KDR: variants seen among roughly 807,000 people sequenced by gnomAD.
KDR encodes the protein kinase insert domain receptor.
KDR carries 43 observed loss-of-function variants against 160.9 expected under a neutral mutation model. The observed-to-expected ratio is 0.27, with a 90% CI of 0.21 to 0.34. The LOEUF is 0.34. KDR is among the 10% of genes least tolerant of loss of function. The pLI is 1.00. For missense variants in KDR, 1,469 were observed against 1,666.4 expected (o/e 0.88, Z 2.06); for synonymous variants, 617 against 600.1 (o/e 1.03, Z -0.41).
chr4:55,082,040 T>C lies in KDR; in HGVS notation c.3764A>G (p.Asp1255Gly), dbSNP rs2110005321. The part of the protein sequence containing the change: ...EEPEVKVIPD[D>G]NQTDSGMVLA... ...AACCATACCACTGTCCGTCTGGTTG[T>C]CCTTTTTAAGAGACAATGAGATGGC... The change falls in exon 29 of 30, where the codon GAC becomes GGC. Residue 1255 changes from aspartate (D) to glycine (G), a missense_variant and splice_region_variant. Coordinates refer to ENST00000263923, the MANE Select transcript of KDR (RefSeq NM_002253.4). 6.2e-7 allele frequency: 1 copy of C among 1,612,068 alleles called. No individual in the cohort carries two copies. The highest frequency in any genetic ancestry group is 8.5e-7 in the Non-Finnish European group (1 of 1,178,130).
chr4:55,084,288 C>T (rs1719805771), intron 27 of KDR, among the ~76,000 whole-genome samples: 1 of 152,114 alleles, frequency 6.6e-6, no homozygotes, highest in Non-Finnish European at 1.5e-5. Flanking sequence ...AGACTAGAGG[C>T]ATAAGACCCA....
At position 55,110,811 on chromosome 4, in the gene KDR, T is replaced by C. The variant is rs1166840048; in HGVS notation, c.977-43A>G. On this transcript the variant is annotated intron_variant, in intron 7 of 29. Coordinates refer to ENST00000263923, the MANE Select transcript of KDR (RefSeq NM_002253.4). ...AAAAAAAAGGTCAACTTACTGTAAA[T>C]GGTCATTTGATTTAGTTTTTCATTT... 1.4e-5 allele frequency: 20 copies of C among 1,463,510 alleles called. No individual in the cohort carries two copies. In the East Asian group the frequency reaches 4.5e-4, roughly 33 times the overall value. The allele number at this position is 1,463,510 out of a possible 1,614,324, so 90.7% of individuals were successfully genotyped here.
Position 55,088,872 on chromosome 4 carries a change from T to A in KDR, c.3506A>T (p.Gln1169Leu). 1 of 1,612,714 alleles carries A rather than the reference T, an allele frequency of 6.2e-7. No homozygotes were observed. Among genetic ancestry groups the A allele is most frequent in the Non-Finnish European group, 8.5e-7 (1 of 1,178,694 alleles). The change falls in exon 26 of 30, where the codon CAG (glutamine) becomes CTG (leucine). Residue 1169 changes from glutamine (Q) to leucine (L), a missense_variant. This residue lies in a region of KDR where 132 missense variants were observed against 195.9 expected (regional missense o/e 0.67). Coordinates refer to ENST00000263923, the MANE Select transcript of KDR (RefSeq NM_002253.4). ...TCTTGGATGGAGGTGACAAACCTGC[T>A]GAGCATTAGCTTGCAAGAGATTTCC... The part of the protein sequence containing the change: ...HLGNLLQANA[Q>L]QDGKDYIVLP...
chr4:55,112,576 TGG>T (rs1258741998), intron 7 of KDR, among the ~76,000 whole-genome samples: 6 of 145,494 alleles, frequency 4.1e-5, no homozygotes, highest in African/African-American at 1.5e-4. Flanking sequence ...TTGCCCAGGC[TGG>T]GGTACAATGG....
At chr4:55,121,999 A>G (rs191075034) in intron 1 of KDR, among the ~76,000 whole-genome samples, 41 of 152,226 alleles carry the variant, frequency 2.7e-4, no homozygotes, top group African/African-American at 8.2e-4. Flanking sequence ...TTTTCTCTCT[A>G]TTGTAATTCA....
chr4:55,110,782 A>T lies in KDR; in HGVS notation c.977-14T>A, dbSNP rs758547424. ...CAAAAGGTTTTTCTGGAAGAAAATAAAAAAAAAAAAAGGTCAACTTACTGT... is the reference window on the plus strand; with the variant it reads ...CAAAAGGTTTTTCTGGAAGAAAATATAAAAAAAAAAAGGTCAACTTACTGT... On this transcript the variant is annotated splice_polypyrimidine_tract_variant and intron_variant, in intron 7 of 29. Coordinates refer to ENST00000263923, the MANE Select transcript of KDR (RefSeq NM_002253.4). 1.9e-4 allele frequency: 295 copies of T among 1,517,526 alleles called. 1 individual carries two copies. The African/African-American group carries it at 3.8e-3, about 19-fold the overall frequency. 94.0% of individuals were successfully genotyped at this position (1,517,526 alleles called of 1,614,324 possible). A position where few individuals can be genotyped will look rare whatever the true frequency, so the allele number is the denominator to read the frequency against.
intron 2 of KDR, among the ~76,000 whole-genome samples, chr4:55,119,732 A>G (rs1293718544): frequency 6.6e-6 from 1 of 152,120 alleles, no homozygotes; most frequent in African/African-American, 2.4e-5. Flanking sequence ...TGAGGTTAGG[A>G]AGGAAGGAGG....
chr4:55,110,190 C>T (rs1348652612), intron 9 of KDR, among the ~76,000 whole-genome samples: 2 of 152,202 alleles, frequency 1.3e-5, no homozygotes, highest in South Asian at 2.1e-4. Context: ...TTGTCCACCA[C>T]AAAGCTCATT....
intron 7 of KDR, among the ~76,000 whole-genome samples, chr4:55,111,943 A>C (rs928162826): frequency 1.3e-5 from 2 of 152,244 alleles, no homozygotes; most frequent in Non-Finnish European, 2.9e-5. Context: ...CAACTCTAAT[A>C]AATAGCATTA....
Position 55,104,680 on chromosome 4 carries a change from C to T in KDR, c.1950G>A (p.Lys650=), listed in dbSNP as rs2110022803. Residue 650 remains lysine (K), a synonymous_variant, in exon 13 of 30, where the codon AAG becomes AAA. Transcript: ENST00000263923. The part of the protein sequence containing the change: ...YVCLAQDRKT[K]KRHCVVRQLT... ...GCTGCCTGACCACGCAATGTCTTTT[C>T]TTGGTCTTCCTGTCTTGAGCAAGGC... The T allele has an allele frequency of 6.2e-7, 1 of 1,613,776 alleles. No homozygotes were observed. Among genetic ancestry groups the T allele is most frequent in the African/African-American group, 1.3e-5 (1 of 75,010 alleles).
Position 55,079,987 on chromosome 4 carries a change from A to G in KDR, c.4025T>C (p.Ile1342Thr), listed in dbSNP as rs944040191. 1 of 1,613,988 alleles carries G rather than the reference A, an allele frequency of 6.2e-7. No individual in the cohort carries two copies. Among genetic ancestry groups the G allele is most frequent in the African/African-American group, 1.3e-5 (1 of 74,902 alleles). ...TGTGGTCCCCGAGTCAGGCTGGAGA[A>G]TCTGGGCTGTGCTACCGGTTTGCAC... is the stretch of plus-strand genomic sequence containing the variant. ...IGVQTGSTAQ[I>T]LQPDSGTTLS... is the part of the protein sequence containing the mutation. The change falls in exon 30 of 30, where the codon ATT (isoleucine) becomes ACT (threonine). Residue 1342 changes from isoleucine to threonine, a missense_variant. Transcript: ENST00000263923.
intron 14 of KDR, 120 bp from the exon 15 acceptor site, chr4:55,102,148 A>G: frequency 6.9e-7 from 1 of 1,445,418 alleles, no homozygotes; most frequent in South Asian, 1.2e-5. Context: ...AACTCTGTAG[A>G]GTCACATGGG....
rs5858314 is a variant in KDR at position 55,110,780 on chromosome 4, T to TAA, written c.977-14_977-13dup. The TAA allele has an allele frequency of 0.044, 59,171 of 1,350,390 alleles. 112 individuals carry two copies. Among genetic ancestry groups the TAA allele is most frequent in the Non-Finnish European group, 0.051 (49,303 of 972,040 alleles). 83.7% of individuals were successfully genotyped at this position (1,350,390 alleles called of 1,614,324 possible). On this transcript the variant is annotated splice_polypyrimidine_tract_variant and intron_variant, in intron 7 of 29. Transcript: ENST00000263923. Reference sequence around the variant, plus strand: ...AACAAAAGGTTTTTCTGGAAGAAAATAAAAAAAAAAAAAGGTCAACTTACT... The same window carrying TAA: ...AACAAAAGGTTTTTCTGGAAGAAAATAAAAAAAAAAAAAAAGGTCAACTTACT...
chr4:55,115,872 T>C (rs1009362904), intron 3 of KDR, among the ~76,000 whole-genome samples: 1 of 152,200 alleles, frequency 6.6e-6, no homozygotes, highest in Non-Finnish European at 1.5e-5. Flanking sequence ...AGGTAAATAA[T>C]GTAAATTCCA....
At chr4:55,088,653 A>T (rs1223968583) in intron 26 of KDR, among the ~76,000 whole-genome samples, 1 of 152,218 alleles carries the variant, frequency 6.6e-6, no homozygotes, top group Non-Finnish European at 1.5e-5. Context: ...TAGAAATCAG[A>T]GTGGTCTGCT....
rs527405956 is a variant in KDR, at chr4:55,096,755, C to A, written c.2615-413G>T. 1.1e-5 allele frequency: 3 copies of A among 285,336 alleles called. No homozygotes were observed. In the South Asian group the frequency reaches 1.1e-4, roughly 11 times the overall value. The allele number at this position is 285,336 out of a possible 1,614,324, so 17.7% of individuals were successfully genotyped here. ...ATTAAATATCTTCACGTGTTAGGGG[C>A]TATACCGAATGTTCCAGCCAATCTG... On this transcript the variant is annotated intron_variant, in intron 18 of 29. Transcript: ENST00000263923.
chr4:55,125,079 C>A (rs1243686127), intron 1 of KDR, 148 bp downstream of exon 1: 1 of 784,148 alleles, frequency 1.3e-6, no homozygotes, highest in African/African-American at 1.7e-5. Flanking sequence ...CTCTGAGCCT[C>A]AGTTTCCCCA....
intron 12 of KDR, among the ~76,000 whole-genome samples, 177 bp from the exon 13 acceptor site, chr4:55,105,161 T>C (rs2110023573): frequency 6.6e-6 from 1 of 152,314 alleles, no homozygotes; most frequent in East Asian, 1.9e-4. Context: ...ATATCTTATT[T>C]GGCCAAACAC....
rs1720228178 is a variant in KDR, at chr4:55,098,792, T to C, written c.2278A>G (p.Lys760Glu). 3 of 1,611,824 alleles carry C rather than the reference T, an allele frequency of 1.9e-6. No homozygotes were observed. Among genetic ancestry groups the C allele is most frequent in the East Asian group, 4.5e-5 (2 of 44,846 alleles). ...AFFIIEGAQE[K>E]TNLEIIILVG... ...AGAATAATGATTTCCAAGTTCGTCTTTTCCTGGGCACCTGGAAAGACACAA... is the reference window on the plus strand; with the variant it reads ...AGAATAATGATTTCCAAGTTCGTCTCTTCCTGGGCACCTGGAAAGACACAA... The change falls in exon 16 of 30, where the codon AAG becomes GAG. Residue 760 changes from lysine to glutamate, a missense_variant. Transcript: ENST00000263923.
Sources: allele counts gnomAD v4.1 joint callset (sites outside exome capture counted in the v4.1 genomes callset), GRCh38; gene constraint gnomAD v4.1.1; regional missense constraint gnomAD v4.1.1; transcripts MANE v1.5; gene names NCBI Gene and HGNC (gene_info 2026-07-23, HGNC 2026-07-21).